The following MACROD2 variants were observed in gnomAD, a reference collection of about 807,000 sequenced individuals.
The protein encoded by MACROD2 is mono-ADP ribosylhydrolase 2, also known as ADP-ribose glycohydrolase MACROD2.
Under a neutral mutation model 70.4 loss-of-function variants are expected in MACROD2, and 36 were observed. The ratio of observed to expected loss-of-function variants is 0.51; its 90% confidence interval spans 0.39 to 0.68. The LOEUF (loss-of-function observed/expected upper bound fraction) is 0.68. Among genes scored for constraint, MACROD2 ranks in the 30% least tolerant of loss-of-function variants. The pLI, the probability that MACROD2 is intolerant of heterozygous loss-of-function variation, is 0.00. For synonymous variants in MACROD2, 172 were observed against 178.8 expected (o/e 0.96, Z 0.30); for missense variants, 496 against 538.4 (o/e 0.92, Z 0.78).
At chr20:15,892,720 A>G (rs920294238) in intron 10 of MACROD2, among the ~76,000 whole-genome samples, 2 of 152,262 alleles carry the variant, frequency 1.3e-5, no homozygotes, top group Non-Finnish European at 2.9e-5. Flanking sequence ...AAAATGTTTT[A>G]GCTTAAGCCT....
intron 3 of MACROD2, among the ~76,000 whole-genome samples, chr20:14,301,294 G>T (rs761193771): frequency 1.6e-4 from 24 of 152,152 alleles, no homozygotes; most frequent in Middle Eastern, 3.4e-3. Context: ...AGGTGCCATG[G>T]CATCTCAGGT....
intron 6 of MACROD2, among the ~76,000 whole-genome samples, chr20:15,373,612 A>G (rs2045522837): frequency 6.6e-6 from 1 of 152,130 alleles, no homozygotes; most frequent in Non-Finnish European, 1.5e-5. Flanking sequence ...TTTGTTGCCC[A>G]GGATGGTCTC....
At chr20:14,149,149 C>T (rs993831863) in intron 3 of MACROD2, among the ~76,000 whole-genome samples, 5 of 151,706 alleles carry the variant, frequency 3.3e-5, no homozygotes, top group African/African-American at 1.2e-4. Context: ...CTAGTAGTCC[C>T]CAATGTCTAT....
At chr20:15,835,599 ATTAT>A (rs1327685495) in intron 8 of MACROD2, among the ~76,000 whole-genome samples, 2 of 152,116 alleles carry the variant, frequency 1.3e-5, no homozygotes, top group Non-Finnish European at 2.9e-5. Flanking sequence ...ACTAACAATA[ATTAT>A]TAATATCAAT....
At chr20:14,352,097 T>A (rs1379008008) in intron 3 of MACROD2, among the ~76,000 whole-genome samples, 4 of 152,236 alleles carry the variant, frequency 2.6e-5, no homozygotes. Flanking sequence ...TAATGAATGA[T>A]CTTTTCAATA....
At chr20:15,218,658 A>G (rs1400183960) in intron 5 of MACROD2, among the ~76,000 whole-genome samples, 2 of 152,216 alleles carry the variant, frequency 1.3e-5, no homozygotes, top group Non-Finnish European at 2.9e-5. Flanking sequence ...CTCTTTAAGA[A>G]GTGCTTTTCC....
At chr20:13,997,563 C>T (rs952657048) in intron 1 of MACROD2, among the ~76,000 whole-genome samples, 3 of 151,934 alleles carry the variant, frequency 2.0e-5, no homozygotes, top group Admixed American at 1.3e-4. Context: ...TATAATGTTT[C>T]CTTCATTTAA....
chr20:15,150,034 AG>A (rs1450974133), intron 5 of MACROD2, among the ~76,000 whole-genome samples: 1 of 144,062 alleles, frequency 6.9e-6, no homozygotes, highest in Non-Finnish European at 1.6e-5. Context: ...CAGGAAGGAA[AG>A]GAGTTGTTGT....
chr20:14,971,546 C>A (rs538019129), intron 5 of MACROD2, among the ~76,000 whole-genome samples: 1 of 152,182 alleles, frequency 6.6e-6, no homozygotes, highest in East Asian at 1.9e-4. Flanking sequence ...AATCCAGGGG[C>A]TTAAAATAAT....
intron 12 of MACROD2, among the ~76,000 whole-genome samples, chr20:15,958,790 G>T (rs1173320771): frequency 6.6e-6 from 1 of 152,122 alleles, no homozygotes; most frequent in Non-Finnish European, 1.5e-5. Flanking sequence ...TATGAGGGTT[G>T]GTCCCCACGA....
At chr20:15,238,541 A>G (rs550552921) in intron 6 of MACROD2, among the ~76,000 whole-genome samples, 1 of 152,132 alleles carries the variant, frequency 6.6e-6, no homozygotes, top group Non-Finnish European at 1.5e-5. Context: ...ATTCTAATAT[A>G]AAGTTTCTTT....
At chr20:14,114,879 T>G (rs1278990272) in intron 3 of MACROD2, among the ~76,000 whole-genome samples, 1 of 152,162 alleles carries the variant, frequency 6.6e-6, no homozygotes, top group Non-Finnish European at 1.5e-5. Context: ...TAAAGTAATA[T>G]CTTCATAATC....
intron 8 of MACROD2, among the ~76,000 whole-genome samples, chr20:15,842,721 G>GATAGATAGATAGATAA (rs1318251210): frequency 5.7e-5 from 2 of 34,866 alleles, no homozygotes; most frequent in Admixed American, 3.0e-4. Context: ...TGGATAGATA[G>GATAGATAGATAGATAA]ATAGATAGAT....
intron 3 of MACROD2, among the ~76,000 whole-genome samples, chr20:14,298,799 A>G (rs561055601): frequency 2.6e-5 from 4 of 152,264 alleles, no homozygotes; most frequent in African/African-American, 9.6e-5. Context: ...TCAAGATTTC[A>G]GGGGAGAAAG....
chr20:14,315,871 A>G (rs1467736740), intron 3 of MACROD2, among the ~76,000 whole-genome samples: 2 of 152,218 alleles, frequency 1.3e-5, no homozygotes, highest in South Asian at 4.1e-4. Context: ...AAAAGCATGG[A>G]GTAAATATGT....
intron 3 of MACROD2, among the ~76,000 whole-genome samples, chr20:14,300,280 A>C (rs1014212618): frequency 6.6e-6 from 1 of 152,224 alleles, no homozygotes; most frequent in African/African-American, 2.4e-5. Context: ...GCATTAGCTC[A>C]TGTGAATCTC....
intron 5 of MACROD2, among the ~76,000 whole-genome samples, chr20:15,136,870 A>AAAC (rs2076152151): frequency 6.7e-6 from 1 of 149,066 alleles, no homozygotes; most frequent in Non-Finnish European, 1.5e-5. Context: ...TTACAAGAAA[A>AAAC]AAACAACCCC....
intron 5 of MACROD2, among the ~76,000 whole-genome samples, chr20:15,095,080 T>G: frequency 1.1e-5 from 1 of 93,022 alleles, no homozygotes; most frequent in Non-Finnish European, 2.4e-5. Context: ...TTTTTTTTTT[T>G]TTTTTTTTTT....
intron 2 of MACROD2, among the ~76,000 whole-genome samples, chr20:14,010,743 G>A (rs760660724): frequency 2.0e-5 from 3 of 151,944 alleles, no homozygotes; most frequent in Non-Finnish European, 4.4e-5. Context: ...GTGACCTGGT[G>A]TTTGTTAGCT....
Sources: allele counts gnomAD v4.1 joint callset (sites outside exome capture counted in the v4.1 genomes callset), GRCh38; gene constraint gnomAD v4.1.1; transcripts MANE v1.5; gene names NCBI Gene and HGNC (gene_info 2026-07-23, HGNC 2026-07-21).